The following DCC variants were observed in gnomAD, a reference collection of about 807,000 sequenced individuals.
The protein encoded by DCC is netrin receptor DCC.
DCC carries 58 observed loss-of-function variants against 172.5 expected under a neutral mutation model. That is an observed-to-expected ratio of 0.34 (90% CI 0.27 to 0.42). The LOEUF (loss-of-function observed/expected upper bound fraction) is 0.42. DCC is among the 10% of genes least tolerant of loss of function. DCC has a pLI of 1.00. For synonymous variants in DCC, 709 were observed against 644.5 expected (o/e 1.10, Z -1.52); for missense variants, 1,740 against 1,791.0 (o/e 0.97, Z 0.51).
At chr18:53,247,383 T>A (rs1271560148) in intron 12 of DCC, among the ~76,000 whole-genome samples, 4 of 152,010 alleles carry the variant, frequency 2.6e-5, no homozygotes, top group Admixed American at 2.6e-4. Flanking sequence ...TAAAATTTGG[T>A]GCAAAGGTGG....
At chr18:52,786,146 T>C (rs111891224) in intron 2 of DCC, among the ~76,000 whole-genome samples, 6,946 of 152,170 alleles carry the variant, frequency 0.046, 238 homozygotes, top group South Asian at 0.16. Context: ...GAATTTATCT[T>C]TGGGGGTCTA....
chr18:53,351,273 A>G (rs766921451), intron 15 of DCC, among the ~76,000 whole-genome samples: 3 of 114,372 alleles, frequency 2.6e-5, no homozygotes, highest in Non-Finnish European at 5.4e-5. Context: ...AGAAGAAAAG[A>G]TCTTCTCATT....
intron 1 of DCC, among the ~76,000 whole-genome samples, chr18:52,458,614 C>T (rs1202744953): frequency 1.3e-5 from 2 of 152,070 alleles, no homozygotes; most frequent in Admixed American, 6.6e-5. Context: ...CCAAATTTGC[C>T]TAATTTAAGA....
chr18:52,783,736 C>T (rs1216901807), intron 2 of DCC, among the ~76,000 whole-genome samples: 5 of 151,644 alleles, frequency 3.3e-5, no homozygotes, highest in Non-Finnish European at 7.4e-5. Context: ...TGTGTATGTA[C>T]ACACACACTT....
At chr18:53,321,445 C>T (rs1482254129) in intron 13 of DCC, among the ~76,000 whole-genome samples, 1 of 152,030 alleles carries the variant, frequency 6.6e-6, no homozygotes, top group Admixed American at 6.6e-5. Flanking sequence ...GTTCTCTGTG[C>T]GTTTTGAAAT....
chr18:52,883,541 AT>A (rs2039524373), intron 2 of DCC, among the ~76,000 whole-genome samples: 1 of 151,986 alleles, frequency 6.6e-6, no homozygotes, highest in African/African-American at 2.4e-5. Flanking sequence ...ACTCTTTTAA[AT>A]TGATGGCAAC....
intron 2 of DCC, among the ~76,000 whole-genome samples, chr18:52,788,841 T>G (rs958558367): frequency 2.6e-5 from 4 of 152,190 alleles, no homozygotes; most frequent in Non-Finnish European, 5.9e-5. Flanking sequence ...TAATGGATTT[T>G]GGATCCCCAA....
At chr18:52,678,566 G>C (rs1225092543) in intron 1 of DCC, among the ~76,000 whole-genome samples, 1 of 152,114 alleles carries the variant, frequency 6.6e-6, no homozygotes. Context: ...CGACATGTAA[G>C]AAGCTTAAAA....
At chr18:52,789,712 CTG>C (rs2037724359) in intron 2 of DCC, among the ~76,000 whole-genome samples, 1 of 152,124 alleles carries the variant, frequency 6.6e-6, no homozygotes, top group Non-Finnish European at 1.5e-5. Flanking sequence ...AAAATTGTGA[CTG>C]AGACAGTAAA....
intron 17 of DCC, among the ~76,000 whole-genome samples, chr18:53,396,318 T>C (rs1462876002): frequency 6.6e-6 from 1 of 152,192 alleles, no homozygotes. Context: ...TTTTTGCTTA[T>C]ATGGAAAATA....
At chr18:52,850,020 C>G (rs1296029191) in intron 2 of DCC, among the ~76,000 whole-genome samples, 1 of 152,116 alleles carries the variant, frequency 6.6e-6, no homozygotes, top group Non-Finnish European at 1.5e-5. Flanking sequence ...GGTTACAGCA[C>G]CTTGATAGTT....
At chr18:53,176,451 G>T (rs1179951938) in intron 8 of DCC, among the ~76,000 whole-genome samples, 4 of 148,868 alleles carry the variant, frequency 2.7e-5, no homozygotes, top group Non-Finnish European at 5.9e-5. Flanking sequence ...CTAATATCCA[G>T]TATCTACAAT....
intron 25 of DCC, among the ~76,000 whole-genome samples, chr18:53,483,658 CTTAT>C (rs1443356867): frequency 1.3e-5 from 2 of 151,806 alleles, no homozygotes; most frequent in African/African-American, 4.8e-5. Flanking sequence ...ATATATCTAT[CTTAT>C]TTTTTTGCAG....
chr18:53,041,527 G>A (rs190103132), intron 5 of DCC, among the ~76,000 whole-genome samples: 4 of 152,136 alleles, frequency 2.6e-5, no homozygotes, highest in Admixed American at 6.6e-5. Flanking sequence ...GAAATTAAAA[G>A]TAGTTTTTTT....
chr18:52,573,739 T>C (rs773531461), intron 1 of DCC, among the ~76,000 whole-genome samples: 4 of 152,226 alleles, frequency 2.6e-5, no homozygotes, highest in Non-Finnish European at 5.9e-5. Flanking sequence ...AAAGACCATC[T>C]TGAGCACTGC....
chr18:52,639,782 C>T (rs1254228111), intron 1 of DCC, among the ~76,000 whole-genome samples: 5 of 152,020 alleles, frequency 3.3e-5, no homozygotes, highest in Admixed American at 1.3e-4. Context: ...TCCTACGAGA[C>T]GTTCAAAGAA....
chr18:52,515,936 A>T (rs372625277), intron 1 of DCC, among the ~76,000 whole-genome samples: 10 of 151,180 alleles, frequency 6.6e-5, no homozygotes, highest in Non-Finnish European at 1.3e-4. Context: ...TGGAAAAAAA[A>T]AAAAAAAAGA....
chr18:53,223,087 C>T (rs1262127507), intron 12 of DCC, among the ~76,000 whole-genome samples: 1 of 152,020 alleles, frequency 6.6e-6, no homozygotes, highest in Non-Finnish European at 1.5e-5. Context: ...TCTGTGACAT[C>T]TGTTAGAAGA....
At chr18:52,362,474 C>T (rs1436853717) in intron 1 of DCC, among the ~76,000 whole-genome samples, 2 of 152,144 alleles carry the variant, frequency 1.3e-5, no homozygotes, top group Admixed American at 6.5e-5. Flanking sequence ...TAGGACCTGT[C>T]CAATTTGCAT....
Sources: gnomAD v4.1 joint callset for allele counts (sites outside exome capture counted in the v4.1 genomes callset) on GRCh38, gnomAD v4.1.1 for gene constraint, MANE v1.5 for transcripts, NCBI Gene and HGNC (gene_info 2026-07-23, HGNC 2026-07-21) for gene names.